The following RAMP2 variants were observed in gnomAD, a reference collection of about 807,000 sequenced individuals.
The protein encoded by RAMP2 is receptor activity-modifying protein 2.
In RAMP2, 11 loss-of-function variants were observed where a neutral mutation model predicts 18.2. The ratio of observed to expected loss-of-function variants is 0.60; its 90% CI spans 0.38 to 1.00. RAMP2 has a LOEUF of 1.00. Ranked by LOEUF, RAMP2 falls within the 50% of genes least tolerant of loss-of-function variation. The pLI, the probability that RAMP2 is intolerant of heterozygous loss-of-function variation, is 0.01. For synonymous variants in RAMP2, 86 were observed against 90.8 expected (o/e 0.95, Z 0.30); for missense variants, 191 against 226.5 (o/e 0.84, Z 1.01).
At chr17:42,762,150 G>A (rs948798857) in intron 2 of RAMP2, among the ~76,000 whole-genome samples, 2 of 152,194 alleles carry the variant, frequency 1.3e-5, no homozygotes, top group African/African-American at 2.4e-5. Flanking sequence ...TTCTTATCAG[G>A]CTGGGATGGA....
chr17:42,762,677 G>T lies in RAMP2; in HGVS notation c.353G>T (p.Arg118Met). The T allele has an allele frequency of 1.2e-6, 2 of 1,614,076 alleles. No homozygotes were observed. Among genetic ancestry groups the T allele is most frequent in the Non-Finnish European group, 1.7e-6 (2 of 1,179,970 alleles). ...GGCTTCCCCAATCCCTTGGCAGAGA[G>T]GATCATCTTTGAGACTCACCAGATC... Reference protein sequence around the residue: ...DLGFPNPLAERIIFETHQIHF... With the variant: ...DLGFPNPLAEMIIFETHQIHF... The change falls in exon 4 of 4, where the codon AGG (arginine) becomes ATG (methionine). Residue 118 changes from arginine (R) to methionine (M), a missense_variant. Coordinates refer to ENST00000253796, the MANE Select transcript of RAMP2 (RefSeq NM_005854.3).
At position 42,761,749 on chromosome 17, in the gene RAMP2, A is replaced by C. The variant is rs1169740651; in HGVS notation, c.98-85A>C. On this transcript the variant is annotated intron_variant, in intron 1 of 3. Coordinates refer to ENST00000253796, the MANE Select transcript of RAMP2 (RefSeq NM_005854.3). This position sits in a 1 kb window ranked among gnomAD's most constrained non-coding sequence, Gnocchi z 4.2. ...TTCTTCCAAGGTAGCCTATTTTCGGAGGGTCTCAGTCCCCCAACCCCCCTC... is the reference window on the plus strand; with the variant it reads ...TTCTTCCAAGGTAGCCTATTTTCGGCGGGTCTCAGTCCCCCAACCCCCCTC... 8.7e-7 allele frequency: 1 copy of C among 1,145,160 alleles called. No homozygotes were observed. Among genetic ancestry groups the C allele is most frequent in the Non-Finnish European group, 1.3e-6 (1 of 768,668 alleles). The allele number at this position is 1,145,160 out of a possible 1,614,324, so 70.9% of individuals were successfully genotyped here.
In RAMP2 at chr17:42,762,661, A is replaced by G. The variant is rs772460185; in HGVS notation, c.337A>G (p.Asn113Asp). ...AGAGTTGTTTGACCTGGGCTTCCCC[A>G]ATCCCTTGGCAGAGAGGATCATCTT... ...FAELFDLGFP[N>D]PLAERIIFET... is the part of the protein sequence containing the mutation. The change falls in exon 4 of 4, where the codon AAT (asparagine) becomes GAT (aspartate). Residue 113 changes from asparagine (N) to aspartate (D), a missense_variant. By Grantham distance (23) the Asn-to-Asp change is conservative. Coordinates refer to ENST00000253796, the MANE Select transcript of RAMP2 (RefSeq NM_005854.3). 1 of 1,614,068 alleles carries G rather than the reference A, an allele frequency of 6.2e-7. No homozygotes were observed. Among genetic ancestry groups the G allele is most frequent in the South Asian group, 1.1e-5 (1 of 91,082 alleles).
At chr17:42,762,264 A>C in intron 2 of RAMP2, 91 bp from the exon 3 acceptor site, 1 of 1,588,180 alleles carries the variant, frequency 6.3e-7, no homozygotes, top group Non-Finnish European at 8.6e-7. Context: ...CCCACGTTTG[A>C]AGACAGGCAG....
In RAMP2 at chr17:42,762,740, C is replaced by G; in HGVS notation, c.416C>G (p.Ser139Cys). 1 of 1,614,148 alleles carries G rather than the reference C, an allele frequency of 6.2e-7. No homozygotes were observed. Among genetic ancestry groups the G allele is most frequent in the Non-Finnish European group, 8.5e-7 (1 of 1,180,004 alleles). The change falls in exon 4 of 4, where the codon TCT (serine) becomes TGT (cysteine). Residue 139 changes from serine (S) to cysteine (C), a missense_variant. Coordinates refer to ENST00000253796, the MANE Select transcript of RAMP2 (RefSeq NM_005854.3). ...ANCSLVQPTF[S>C]DPPEDVLLAM... Reference sequence around the variant, plus strand: ...TGCTCCCTGGTGCAGCCCACCTTCTCTGACCCCCCAGAGGATGTACTCCTG... The same window carrying G: ...TGCTCCCTGGTGCAGCCCACCTTCTGTGACCCCCCAGAGGATGTACTCCTG...
rs896312885 is a variant in RAMP2, at chr17:42,761,434, T to C, written c.97+76T>C. ...GGGAGAGGGGAGAGGGGAGAGGGGC[T>C]GGATGGCCGAGGCCGGAACGGGCCC... On this transcript the variant is annotated intron_variant, in intron 1 of 3. Transcript: ENST00000253796. This position sits in a 1 kb window ranked among gnomAD's most constrained non-coding sequence, Gnocchi z 4.2. The C allele has an allele frequency of 9.4e-6, 11 of 1,174,238 alleles. No individual in the cohort carries two copies. The highest frequency in any genetic ancestry group is 1.2e-5 in the Non-Finnish European group (11 of 907,956). 72.7% of individuals were successfully genotyped at this position (1,174,238 alleles called of 1,614,324 possible). A position where few individuals can be genotyped will look rare whatever the true frequency, so the allele number is the denominator to read the frequency against.
chr17:42,761,389 A>G lies in RAMP2; in HGVS notation c.97+31A>G, dbSNP rs867025178. The G allele has an allele frequency of 2.3e-6, 3 of 1,277,938 alleles. No homozygotes were observed. Among genetic ancestry groups the G allele is most frequent in the African/African-American group, 3.1e-5 (2 of 63,492 alleles). The allele number at this position is 1,277,938 out of a possible 1,614,324, so 79.2% of individuals were successfully genotyped here. A position where few individuals can be genotyped will look rare whatever the true frequency, so the allele number is the denominator to read the frequency against. ...CGCGGCGCCCCGAGGCCCGGGCGGG[A>G]GGCGCGAGAGGCCCCGGAGGGGAGA... On this transcript the variant is annotated intron_variant, in intron 1 of 3. Transcript: ENST00000253796. This position sits in a 1 kb window ranked among gnomAD's most constrained non-coding sequence, Gnocchi z 4.2.
intron 3 of RAMP2, 35 bp from the exon 4 acceptor site, chr17:42,762,561 AC>A: frequency 6.2e-7 from 1 of 1,602,196 alleles, no homozygotes. Context: ...CCCTGGGTCC[AC>A]CCCCTCTCTC....
rs1439500085 is a variant in RAMP2 at position 42,762,470 on chromosome 17, G to A, written c.272+7G>A. On this transcript the variant is annotated splice_region_variant and intron_variant, in intron 3 of 3. Transcript: ENST00000253796. ...ACTGGGCCATGATTAGCAGGTAGGG[G>A]CAGTGATGGAGGGTGGCTCAGGCCA... The A allele has an allele frequency of 6.2e-7, 1 of 1,613,978 alleles. No homozygotes were observed. Among genetic ancestry groups the A allele is most frequent in the Admixed American group, 1.7e-5 (1 of 60,022 alleles).
At position 42,761,714 on chromosome 17, in the gene RAMP2, A is replaced by G; in HGVS notation, c.98-120A>G. ...CTGAGGCGTCCGTGGGGGCTAGATT[A>G]TTCCTCCTTTTCTTCCAAGGTAGCC... On this transcript the variant is annotated intron_variant, in intron 1 of 3. Coordinates refer to ENST00000253796, the MANE Select transcript of RAMP2 (RefSeq NM_005854.3). The surrounding 1 kb of genome is among the most constrained non-coding windows in gnomAD (Gnocchi z 4.2). 2 of 854,322 alleles carry G rather than the reference A, an allele frequency of 2.3e-6. No homozygotes were observed. The highest frequency in any genetic ancestry group is 3.8e-6 in the Non-Finnish European group (2 of 528,122). 52.9% of individuals were successfully genotyped at this position (854,322 alleles called of 1,614,324 possible).
Position 42,761,710 on chromosome 17 carries a change from GATT to G in RAMP2, c.98-120_98-118del. 1 of 849,508 alleles carries G rather than the reference GATT, an allele frequency of 1.2e-6. No individual in the cohort carries two copies. Among genetic ancestry groups the G allele is most frequent in the South Asian group, 1.6e-5 (1 of 63,278 alleles). The allele number at this position is 849,508 out of a possible 1,614,324, so 52.6% of individuals were successfully genotyped here. A position where few individuals can be genotyped will look rare whatever the true frequency, so the allele number is the denominator to read the frequency against. Reference sequence around the variant, plus strand: ...GGCACTGAGGCGTCCGTGGGGGCTAGATTATTCCTCCTTTTCTTCCAAGGTAGC... The same window carrying G: ...GGCACTGAGGCGTCCGTGGGGGCTAGATTCCTCCTTTTCTTCCAAGGTAGC... On this transcript the variant is annotated intron_variant, in intron 1 of 3. Transcript: ENST00000253796. This position sits in a 1 kb window ranked among gnomAD's most constrained non-coding sequence, Gnocchi z 4.2.
In RAMP2 at chr17:42,761,369, C is replaced by G; in HGVS notation, c.97+11C>G. ...TCCTCCTGCTGGGCGGTGAGCGCGG[C>G]GCCCCGAGGCCCGGGCGGGAGGCGC... On this transcript the variant is annotated intron_variant, in intron 1 of 3. Transcript: ENST00000253796. This position sits in a 1 kb window ranked among gnomAD's most constrained non-coding sequence, Gnocchi z 4.2. 7.6e-7 allele frequency: 1 copy of G among 1,319,144 alleles called. No individual in the cohort carries two copies. Among genetic ancestry groups the G allele is most frequent in the Non-Finnish European group, 9.6e-7 (1 of 1,038,514 alleles). The allele number at this position is 1,319,144 out of a possible 1,614,324, so 81.7% of individuals were successfully genotyped here.
Position 42,762,860 on chromosome 17 carries a change from C to T in RAMP2, c.*8C>T, listed in dbSNP as rs370708803. ...AGTGAGGCCCAGGCCTAGGGGGCCACGAGCTTCTCAACAACCATGTTACTC... is the reference window on the plus strand; with the variant it reads ...AGTGAGGCCCAGGCCTAGGGGGCCATGAGCTTCTCAACAACCATGTTACTC... On this transcript the variant is annotated 3_prime_UTR_variant, in exon 4 of 4. Coordinates refer to ENST00000253796, the MANE Select transcript of RAMP2 (RefSeq NM_005854.3). 7 of 1,573,860 alleles carry T rather than the reference C, an allele frequency of 4.4e-6. No homozygotes were observed. Among genetic ancestry groups the T allele is most frequent in the Middle Eastern group, 3.4e-4 (2 of 5,880 alleles).
At position 42,762,597 on chromosome 17, in the gene RAMP2, G is replaced by C; in HGVS notation, c.273G>C (p.Arg91Ser). The C allele has an allele frequency of 6.2e-7, 1 of 1,611,906 alleles. No homozygotes were observed. Among genetic ancestry groups the C allele is most frequent in the African/African-American group, 1.3e-5 (1 of 74,964 alleles). The change falls in exon 4 of 4, where the codon AGG becomes AGC. Residue 91 changes from arginine to serine, a missense_variant and splice_region_variant. Transcript: ENST00000253796. ...KDWCDWAMIS[R>S]PYSTLRDCLE... ...CACTCAAGTCCTCTTCTGCCCCTAG[G>C]CCTTATAGCACCCTGCGAGATTGCC...
chr17:42,761,779 G>C lies in RAMP2; in HGVS notation c.98-55G>C, dbSNP rs186992711. The C allele has an allele frequency of 7.5e-6, 11 of 1,460,038 alleles. No homozygotes were observed. Among genetic ancestry groups the C allele is most frequent in the African/African-American group, 1.4e-5 (1 of 71,476 alleles). 90.4% of individuals were successfully genotyped at this position (1,460,038 alleles called of 1,614,324 possible). A position where few individuals can be genotyped will look rare whatever the true frequency, so the allele number is the denominator to read the frequency against. ...CTCAGTCCCCCAACCCCCCTCGCAG[G>C]CTCCACTGCCGGGGTCCCCGCTATG... On this transcript the variant is annotated intron_variant, in intron 1 of 3. Transcript: ENST00000253796. The surrounding 1 kb of genome is among the most constrained non-coding windows in gnomAD (Gnocchi z 4.2).
Position 42,761,760 on chromosome 17 carries a change from C to T in RAMP2, c.98-74C>T. 7.6e-7 allele frequency: 1 copy of T among 1,314,260 alleles called. No individual in the cohort carries two copies. Among genetic ancestry groups the T allele is most frequent in the African/African-American group, 1.5e-5 (1 of 68,512 alleles). The allele number at this position is 1,314,260 out of a possible 1,614,324, so 81.4% of individuals were successfully genotyped here. The stretch of plus-strand genomic sequence containing the variant: ...TAGCCTATTTTCGGAGGGTCTCAGT[C>T]CCCCAACCCCCCTCGCAGGCTCCAC... On this transcript the variant is annotated intron_variant, in intron 1 of 3. Coordinates refer to ENST00000253796, the MANE Select transcript of RAMP2 (RefSeq NM_005854.3). The surrounding 1 kb of genome is among the most constrained non-coding windows in gnomAD (Gnocchi z 4.2).
rs1189350817 is a variant in RAMP2, at chr17:42,761,324, G to A, written c.63G>A (p.Arg21=). ...GPRLPRTRVG[R]PAALRLLLLL... is the part of the protein sequence containing the mutation. ...GTCTCCCTAGGACCCGAGTCGGGCG[G>A]CCGGCAGCGCTCCGCCTCCTCCTCC... Residue 21 remains arginine, a synonymous_variant, in exon 1 of 4, where the codon CGG becomes CGA. Coordinates refer to ENST00000253796, the MANE Select transcript of RAMP2 (RefSeq NM_005854.3). This position sits in a 1 kb window ranked among gnomAD's most constrained non-coding sequence, Gnocchi z 4.2. 7.7e-7 allele frequency: 1 copy of A among 1,298,688 alleles called. No individual in the cohort carries two copies. The highest frequency in any genetic ancestry group is 9.8e-7 in the Non-Finnish European group (1 of 1,022,508). The allele number at this position is 1,298,688 out of a possible 1,614,324, so 80.4% of individuals were successfully genotyped here.
intron 2 of RAMP2, among the ~76,000 whole-genome samples, 172 bp from the exon 3 acceptor site, chr17:42,762,183 A>G (rs1012612670): frequency 6.6e-6 from 1 of 152,322 alleles, no homozygotes; most frequent in East Asian, 1.9e-4. Context: ...CATGGAAGTC[A>G]TTATAGGATT....
rs1323953762 is a variant in RAMP2, at chr17:42,761,589, C to T, written c.97+231C>T. ...AGCTGGGGTGCTGGCCCCGGCCCCT[C>T]GAAGAGGGCTTAGGAGGACGGAAGC... On this transcript the variant is annotated intron_variant, in intron 1 of 3. Transcript: ENST00000253796. This position sits in a 1 kb window ranked among gnomAD's most constrained non-coding sequence, Gnocchi z 4.2. Among the ~76,000 whole-genome samples the T allele has an allele frequency of 6.6e-6, 1 of 152,130 alleles. No individual in the cohort carries two copies. The highest frequency in any genetic ancestry group is 6.5e-5 in the Admixed American group (1 of 15,278).
Sources: gnomAD v4.1 joint callset for allele counts (sites outside exome capture counted in the v4.1 genomes callset) on GRCh38, gnomAD v4.1.1 for gene constraint, Gnocchi (gnomAD v3.1) non-coding constraint, MANE v1.5 for transcripts, NCBI Gene and HGNC (gene_info 2026-07-23, HGNC 2026-07-21) for gene names.